RNF145: variants seen among roughly 807,000 people sequenced by gnomAD.
The protein encoded by RNF145 is ring finger protein 145.
In RNF145, 12 loss-of-function variants were observed where a neutral mutation model predicts 57.3. The ratio of observed to expected loss-of-function variants is 0.21; its 90% confidence interval spans 0.13 to 0.34. The LOEUF (loss-of-function observed/expected upper bound fraction) is 0.34. RNF145 is among the 10% of genes least tolerant of loss of function. The pLI is 1.00. For synonymous variants in RNF145, 262 were observed against 288.3 expected (o/e 0.91, Z 0.92); for missense variants, 429 against 799.0 (o/e 0.54, Z 5.58).
At chr5:159,195,577 C>T (rs1411835210) in intron 2 of RNF145, among the ~76,000 whole-genome samples, 1 of 152,166 alleles carries the variant, frequency 6.6e-6, no homozygotes, top group African/African-American at 2.4e-5. Flanking sequence ...AATATCCAGG[C>T]AACGACCATC....
At chr5:159,175,339 G>T (rs1784684471) in intron 5 of RNF145, among the ~76,000 whole-genome samples, 1 of 152,010 alleles carries the variant, frequency 6.6e-6, no homozygotes, top group Non-Finnish European at 1.5e-5. Context: ...TTGCTTATCT[G>T]ATTCTTTCCT....
intron 1 of RNF145, among the ~76,000 whole-genome samples, chr5:159,206,666 A>G (rs932906202): frequency 6.6e-6 from 1 of 152,202 alleles, no homozygotes; most frequent in Non-Finnish European, 1.5e-5. Flanking sequence ...AGGGCTAATC[A>G]GCATATCCTA....
chr5:159,172,333 T>C (rs1250991002), intron 6 of RNF145, among the ~76,000 whole-genome samples: 1 of 152,026 alleles, frequency 6.6e-6, no homozygotes, highest in East Asian at 1.9e-4. Flanking sequence ...ATATAAAAAT[T>C]AGCCAGGTGT....
chr5:159,173,407 CTT>C (rs1235631499), intron 6 of RNF145, among the ~76,000 whole-genome samples: 1 of 152,160 alleles, frequency 6.6e-6, no homozygotes, highest in African/African-American at 2.4e-5. Flanking sequence ...TTACCGGACT[CTT>C]TCTCGATACT....
intron 8 of RNF145, 123 bp from the exon 9 acceptor site, chr5:159,163,202 TC>T: frequency 1.2e-6 from 1 of 852,760 alleles, no homozygotes; most frequent in Non-Finnish European, 1.8e-6. Context: ...AACACCCTTC[TC>T]CATGCCAGTC....
rs114282947 is a variant in RNF145 at position 159,161,323 on chromosome 5, G to A, written c.1569C>T (p.Pro523=). Residue 523 remains proline (P), a synonymous_variant, in exon 10 of 11, where the codon CCC becomes CCT. Coordinates refer to ENST00000424310, the MANE Select transcript of RNF145 (RefSeq NM_001199383.2). ...RDAVNKIKSL[P]IATKEQLEKH... ...TCTCAAGCTGCTCTTTCGTAGCAAT[G>A]GGTAACGATTTAATCTTATTCACAG... 8.7e-6 allele frequency: 14 copies of A among 1,613,988 alleles called. No homozygotes were observed. The East Asian group carries it at 2.9e-4, about 33-fold the overall frequency.
intron 3 of RNF145, among the ~76,000 whole-genome samples, chr5:159,194,392 G>A (rs764271848): frequency 6.6e-6 from 1 of 152,204 alleles, no homozygotes; most frequent in East Asian, 1.9e-4. Flanking sequence ...GGCTGGTCCC[G>A]AACTCCTGAC....
intron 3 of RNF145, among the ~76,000 whole-genome samples, chr5:159,188,241 G>T (rs551133390): frequency 2.0e-5 from 3 of 152,032 alleles, no homozygotes; most frequent in Non-Finnish European, 4.4e-5. Flanking sequence ...CAAAAAATTA[G>T]CTGGGCATGG....
chr5:159,170,858 T>G (rs1352456244), intron 6 of RNF145, among the ~76,000 whole-genome samples: 1 of 152,218 alleles, frequency 6.6e-6, no homozygotes, highest in Admixed American at 6.5e-5. Context: ...CCCAACGTAT[T>G]GGGATTACAG....
chr5:159,209,333 C>A lies in RNF145; in HGVS notation c.-142G>T. On this transcript the variant is annotated 5_prime_UTR_variant, in exon 1 of 11. Transcript: ENST00000424310. Reference sequence around the variant, plus strand: ...CCCTCCCGTTCTCCTCGGGCGGCGGCGGGGGCCGGTACGGCACGGCTCACA... The same window carrying A: ...CCCTCCCGTTCTCCTCGGGCGGCGGAGGGGGCCGGTACGGCACGGCTCACA... 1.0e-6 allele frequency: 1 copy of A among 985,726 alleles called. No homozygotes were observed. Among genetic ancestry groups the A allele is most frequent in the Non-Finnish European group, 1.2e-6 (1 of 829,944 alleles). 61.1% of individuals were successfully genotyped at this position (985,726 alleles called of 1,614,324 possible).
chr5:159,188,577 G>C (rs2113187373), intron 3 of RNF145, among the ~76,000 whole-genome samples: 1 of 152,146 alleles, frequency 6.6e-6, no homozygotes, highest in East Asian at 1.9e-4. Context: ...ATTAGCACTA[G>C]AAAAATACAT....
intron 1 of RNF145, among the ~76,000 whole-genome samples, chr5:159,208,716 G>A (rs1785991302): frequency 6.6e-6 from 1 of 151,856 alleles, no homozygotes. Context: ...GAGCTTGGAA[G>A]CAAAGTGAAC....
chr5:159,180,562 C>T (rs1443363365), intron 4 of RNF145, among the ~76,000 whole-genome samples: 2 of 152,072 alleles, frequency 1.3e-5, no homozygotes, highest in Non-Finnish European at 2.9e-5. Context: ...TAGTCTATTG[C>T]TAGTCCTTTA....
intron 3 of RNF145, among the ~76,000 whole-genome samples, chr5:159,191,681 A>G (rs1283547765): frequency 6.6e-6 from 1 of 152,122 alleles, no homozygotes; most frequent in African/African-American, 2.4e-5. Context: ...AGTCCCAGCT[A>G]CTCAGGAGGC....
At chr5:159,209,951 G>A (rs1166076188), upstream of RNF145, 6 of 1,505,634 alleles carry the variant, frequency 4.0e-6, no homozygotes, top group Non-Finnish European at 5.4e-6. Flanking sequence ...GTCACTGACT[G>A]GACTAGACTG....
At chr5:159,183,107 A>C (rs1784948426) in intron 3 of RNF145, among the ~76,000 whole-genome samples, 1 of 152,206 alleles carries the variant, frequency 6.6e-6, no homozygotes, top group Non-Finnish European at 1.5e-5. Flanking sequence ...GAATTAAAAC[A>C]GTTTCTGAGA....
chr5:159,165,142 G>C (rs1230756336), intron 8 of RNF145, among the ~76,000 whole-genome samples: 1 of 151,998 alleles, frequency 6.6e-6, no homozygotes, highest in Non-Finnish European at 1.5e-5. Context: ...ATTAACTATT[G>C]TCAATAATGT....
At chr5:159,170,915 C>T (rs1333786655) in intron 6 of RNF145, among the ~76,000 whole-genome samples, 1 of 152,130 alleles carries the variant, frequency 6.6e-6, no homozygotes, top group African/African-American at 2.4e-5. Flanking sequence ...ACATCTTAAG[C>T]TTTAATTTTC....
chr5:159,184,143 C>T (rs1784985340), intron 3 of RNF145, among the ~76,000 whole-genome samples: 1 of 152,156 alleles, frequency 6.6e-6, no homozygotes. Flanking sequence ...TTTCTTTCCA[C>T]TGTTTGGTTT....
Sources: allele counts gnomAD v4.1 joint callset (sites outside exome capture counted in the v4.1 genomes callset), GRCh38; gene constraint gnomAD v4.1.1; transcripts MANE v1.5; gene names NCBI Gene and HGNC (gene_info 2026-07-23, HGNC 2026-07-21).